GRM5: variants seen among roughly 807,000 people sequenced by gnomAD.
GRM5 encodes the protein metabotropic glutamate receptor 5.
Under a neutral mutation model 83.1 loss-of-function variants are expected in GRM5, and 19 were observed. That is an observed-to-expected ratio of 0.23 (90% CI 0.16 to 0.34). GRM5 has a LOEUF of 0.34. GRM5 is among the 10% of genes least tolerant of loss of function. GRM5 has a pLI of 1.00. For missense variants in GRM5, 1,160 were observed against 1,588.3 expected, an observed-to-expected ratio of 0.73 and a Z score of 4.58; for synonymous variants, 675 against 633.6, an observed-to-expected ratio of 1.07 and a Z score of -0.98.
intron 3 of GRM5, among the ~76,000 whole-genome samples, chr11:88,705,612 G>GT (rs57613173): frequency 0.97 from 144,704 of 148,754 alleles, 70,494 homozygotes; most frequent in East Asian, 1. Context: ...TTTTTTGTTT[G>GT]TTTTTTTTTC....
intron 3 of GRM5, among the ~76,000 whole-genome samples, chr11:88,721,272 A>G (rs1394318930): frequency 2.6e-5 from 4 of 152,094 alleles, no homozygotes; most frequent in East Asian, 3.9e-4. Context: ...TAGAAATTCA[A>G]TCTTTTTTGG....
intron 3 of GRM5, among the ~76,000 whole-genome samples, chr11:88,714,440 T>C (rs1293766281): frequency 6.6e-6 from 1 of 151,986 alleles, no homozygotes; most frequent in Non-Finnish European, 1.5e-5. Context: ...TGTTCATTCA[T>C]GGTAAAAATG....
At chr11:88,721,407 G>T (rs1188793185) in intron 3 of GRM5, among the ~76,000 whole-genome samples, 1 of 152,052 alleles carries the variant, frequency 6.6e-6, no homozygotes, top group Non-Finnish European at 1.5e-5. Flanking sequence ...TCTATTAACT[G>T]AAGAATATAG....
chr11:88,789,617 T>G (rs926088574), intron 3 of GRM5, among the ~76,000 whole-genome samples: 10 of 152,178 alleles, frequency 6.6e-5, no homozygotes, highest in African/African-American at 2.2e-4. Context: ...AGTCTCTTGA[T>G]TATTCCCTTG....
chr11:88,947,065 A>T (rs1230472018), intron 2 of GRM5, among the ~76,000 whole-genome samples: 1 of 152,110 alleles, frequency 6.6e-6, no homozygotes, highest in Non-Finnish European at 1.5e-5. Flanking sequence ...AACATATTGA[A>T]TTTTTTAAAC....
intron 2 of GRM5, among the ~76,000 whole-genome samples, chr11:88,869,550 TA>T (rs2135559810): frequency 6.6e-6 from 1 of 151,530 alleles, no homozygotes; most frequent in East Asian, 1.9e-4. Context: ...AAAAGTGTTA[TA>T]ATAATTTATA....
intron 3 of GRM5, among the ~76,000 whole-genome samples, chr11:88,755,473 G>C (rs75745848): frequency 0.014 from 2,189 of 152,218 alleles, 51 homozygotes; most frequent in African/African-American, 0.049. Context: ...TAAGTGAACA[G>C]TGTCCTATCA....
chr11:89,028,756 T>C (rs1355751209), intron 2 of GRM5, among the ~76,000 whole-genome samples: 1 of 152,226 alleles, frequency 6.6e-6, no homozygotes, highest in Non-Finnish European at 1.5e-5. Flanking sequence ...GATTTCATTT[T>C]GTTAGTAATA....
At chr11:88,876,891 A>G (rs1286945870) in intron 2 of GRM5, among the ~76,000 whole-genome samples, 3 of 152,150 alleles carry the variant, frequency 2.0e-5, no homozygotes, top group African/African-American at 7.2e-5. Context: ...CCATAAAAAA[A>G]GAATGAAATG....
At chr11:88,777,419 C>T (rs1942880428) in intron 3 of GRM5, among the ~76,000 whole-genome samples, 1 of 152,158 alleles carries the variant, frequency 6.6e-6, no homozygotes, top group Admixed American at 6.5e-5. Context: ...TATTACCAAC[C>T]TTCTGCAGCC....
chr11:88,993,280 A>AT (rs1347666479), intron 2 of GRM5, among the ~76,000 whole-genome samples: 1 of 150,144 alleles, frequency 6.7e-6, no homozygotes, highest in Non-Finnish European at 1.5e-5. Flanking sequence ...AAAAAAAAAA[A>AT]AAAGACAAGT....
chr11:88,829,047 T>C (rs1212652479), intron 3 of GRM5, among the ~76,000 whole-genome samples: 1 of 151,974 alleles, frequency 6.6e-6, no homozygotes, highest in African/African-American at 2.4e-5. Context: ...AAAAAAATCT[T>C]AAAAAATTCT....
intron 4 of GRM5, among the ~76,000 whole-genome samples, chr11:88,629,980 C>A (rs548741750): frequency 6.6e-6 from 1 of 152,156 alleles, no homozygotes; most frequent in Non-Finnish European, 1.5e-5. Flanking sequence ...TTTGCTCCAG[C>A]CACTTTGGTC....
At chr11:88,923,929 C>T (rs1300801317) in intron 2 of GRM5, among the ~76,000 whole-genome samples, 4 of 148,574 alleles carry the variant, frequency 2.7e-5, no homozygotes, top group African/African-American at 9.9e-5. Flanking sequence ...TACTATATAC[C>T]CATAAAAATT....
rs1939227772 is a variant in GRM5 at position 88,973,419 on chromosome 11, G to A, written c.661+73793C>T. Among the ~76,000 whole-genome samples the A allele has an allele frequency of 2.0e-5, 3 of 152,162 alleles. No homozygotes were observed. The South Asian group carries it at 6.2e-4, about 32-fold the overall frequency. On this transcript the variant is annotated intron_variant, in intron 2 of 9. Transcript: ENST00000305447. The stretch of plus-strand genomic sequence containing the variant: ...AGATTATCTTGGATTGTTCAGGTGG[G>A]CCCTAAAATACCACCACAAGTGCTC...
At chr11:88,786,175 T>C (rs956143532) in intron 3 of GRM5, among the ~76,000 whole-genome samples, 1 of 152,082 alleles carries the variant, frequency 6.6e-6, no homozygotes, top group African/African-American at 2.4e-5. Context: ...CATAGTGAAA[T>C]GGAACTATCC....
At chr11:88,714,430 T>C (rs560560529) in intron 3 of GRM5, among the ~76,000 whole-genome samples, 28 of 152,132 alleles carry the variant, frequency 1.8e-4, no homozygotes, top group African/African-American at 6.7e-4. Context: ...GAAAGCATTG[T>C]GTTCATTCAT....
chr11:88,858,497 T>A (rs1944509178), intron 2 of GRM5, among the ~76,000 whole-genome samples: 1 of 152,024 alleles, frequency 6.6e-6, no homozygotes, highest in South Asian at 2.1e-4. Context: ...AGAAAGAAGT[T>A]TGATCTTAAG....
chr11:88,542,498 G>A (rs1942289328), intron 8 of GRM5, among the ~76,000 whole-genome samples: 1 of 152,174 alleles, frequency 6.6e-6, no homozygotes, highest in Non-Finnish European at 1.5e-5. Context: ...CAACCCTAGG[G>A]AGGGGTATTG....
Sources: allele counts gnomAD v4.1 joint callset (sites outside exome capture counted in the v4.1 genomes callset), GRCh38; gene constraint gnomAD v4.1.1; transcripts MANE v1.5; gene names NCBI Gene and HGNC (gene_info 2026-07-23, HGNC 2026-07-21).